Variants in BRINP3 observed in about 807,000 individuals in gnomAD.
The protein encoded by BRINP3 is BMP/retinoic acid-inducible neural-specific protein 3.
In BRINP3, 19 loss-of-function variants were observed where a neutral mutation model predicts 71.0. The ratio of observed to expected loss-of-function variants is 0.27; its 90% confidence interval spans 0.19 to 0.39. The LOEUF (loss-of-function observed/expected upper bound fraction) is 0.39. Ranked by LOEUF, BRINP3 falls within the 10% of genes least tolerant of loss-of-function variation. BRINP3 has a pLI of 1.00. For missense variants in BRINP3, 959 were observed against 940.8 expected (o/e 1.02, Z -0.25); for synonymous variants, 380 against 337.7 (o/e 1.13, Z -1.37).
intron 2 of BRINP3, among the ~76,000 whole-genome samples, chr1:190,409,001 A>G (rs1672485260): frequency 6.6e-6 from 1 of 152,222 alleles, no homozygotes; most frequent in South Asian, 2.1e-4. Context: ...TGCTAGTAGC[A>G]TCTGGCAGGT....
At chr1:190,338,356 T>C (rs903258185) in intron 2 of BRINP3, among the ~76,000 whole-genome samples, 4 of 152,034 alleles carry the variant, frequency 2.6e-5, no homozygotes, top group Non-Finnish European at 5.9e-5. Context: ...TTGAAAGAAA[T>C]GTAAATTTGT....
chr1:190,467,514 G>A (rs1254515261), intron 1 of BRINP3, among the ~76,000 whole-genome samples: 1 of 151,476 alleles, frequency 6.6e-6, no homozygotes. Context: ...ATTAAAGAAT[G>A]CCTCTTTAGA....
At chr1:190,265,454 C>T (rs1661569546) in intron 3 of BRINP3, among the ~76,000 whole-genome samples, 1 of 151,714 alleles carries the variant, frequency 6.6e-6, no homozygotes, top group Non-Finnish European at 1.5e-5. Flanking sequence ...GTAATCCCAG[C>T]ACTATGGAAG....
chr1:190,221,613 GT>G (rs1656900224), intron 6 of BRINP3, among the ~76,000 whole-genome samples: 1 of 152,020 alleles, frequency 6.6e-6, no homozygotes, highest in African/African-American at 2.4e-5. Context: ...CAATTATAAC[GT>G]GTATAGTGGC....
At chr1:190,418,367 A>C (rs1673141739) in intron 2 of BRINP3, among the ~76,000 whole-genome samples, 1 of 152,084 alleles carries the variant, frequency 6.6e-6, no homozygotes, top group African/African-American at 2.4e-5. Context: ...CTTTTTATGA[A>C]TTAAAATGTT....
chr1:190,384,381 T>C (rs1157871153), intron 2 of BRINP3, among the ~76,000 whole-genome samples: 1 of 151,858 alleles, frequency 6.6e-6, no homozygotes, highest in Non-Finnish European at 1.5e-5. Flanking sequence ...TTATTTTAAG[T>C]AATGAAAACT....
chr1:190,104,593 T>C (rs1291660039), intron 7 of BRINP3, among the ~76,000 whole-genome samples: 3 of 152,060 alleles, frequency 2.0e-5, no homozygotes, highest in Non-Finnish European at 4.4e-5. Context: ...GTGTTTCACC[T>C]TTTTAAAAAT....
chr1:190,224,303 T>C (rs1224880837), intron 6 of BRINP3, among the ~76,000 whole-genome samples: 1 of 151,714 alleles, frequency 6.6e-6, no homozygotes, highest in Admixed American at 6.6e-5. Context: ...CATAGACCAA[T>C]GGAATAGAAT....
intron 2 of BRINP3, among the ~76,000 whole-genome samples, chr1:190,338,783 T>A (rs1431273993): frequency 6.6e-6 from 1 of 151,890 alleles, no homozygotes; most frequent in Non-Finnish European, 1.5e-5. Context: ...TGTAAGATAA[T>A]GTAATTTTAG....
intron 1 of BRINP3, among the ~76,000 whole-genome samples, chr1:190,474,987 TA>T (rs1357565187): frequency 6.6e-6 from 1 of 151,508 alleles, no homozygotes; most frequent in Non-Finnish European, 1.5e-5. Flanking sequence ...GGGTATAATA[TA>T]AGCTAGACAG....
chr1:190,209,643 C>T (rs867128950), intron 6 of BRINP3, among the ~76,000 whole-genome samples: 1 of 152,060 alleles, frequency 6.6e-6, no homozygotes, highest in African/African-American at 2.4e-5. Flanking sequence ...AATATTTGCT[C>T]AGTACTTTAA....
chr1:190,465,613 C>T (rs957799269), intron 1 of BRINP3, among the ~76,000 whole-genome samples: 4 of 151,856 alleles, frequency 2.6e-5, no homozygotes, highest in African/African-American at 9.7e-5. Flanking sequence ...TCCCCTCTTA[C>T]CCCTAATGTT....
intron 7 of BRINP3, among the ~76,000 whole-genome samples, chr1:190,142,918 A>T (rs1290624650): frequency 1.3e-5 from 2 of 152,024 alleles, no homozygotes; most frequent in African/African-American, 2.4e-5. Context: ...TTATTGAAAA[A>T]ATTTCCTGAA....
Position 190,336,316 on chromosome 1 carries a change from A to T in BRINP3, c.237-54566T>A, listed in dbSNP as rs917995588. 2.0e-5 allele frequency among the ~76,000 whole-genome samples: 3 copies of T among 152,074 alleles called. No individual in the cohort carries two copies. The East Asian group carries it at 5.8e-4, about 29-fold the overall frequency. ...GATGTTGTGCAAAGTTTCCATATCT[A>T]CCTTCTTTGACAAATGAAATTAGAA... On this transcript the variant is annotated intron_variant, in intron 2 of 7. Coordinates refer to ENST00000367462, the MANE Select transcript of BRINP3 (RefSeq NM_199051.3).
chr1:190,299,410 T>C (rs951009271), intron 2 of BRINP3, among the ~76,000 whole-genome samples: 6 of 151,402 alleles, frequency 4.0e-5, no homozygotes, highest in African/African-American at 1.2e-4. Flanking sequence ...ATAGTTTTTT[T>C]TCCTAAAACA....
At chr1:190,293,635 T>A (rs1413192840) in intron 2 of BRINP3, among the ~76,000 whole-genome samples, 1 of 152,188 alleles carries the variant, frequency 6.6e-6, no homozygotes, top group Non-Finnish European at 1.5e-5. Flanking sequence ...TCCCCTATTA[T>A]CATTGCATTG....
intron 2 of BRINP3, among the ~76,000 whole-genome samples, chr1:190,329,621 A>AC (rs1553292937): frequency 6.6e-6 from 1 of 151,874 alleles, no homozygotes; most frequent in African/African-American, 2.4e-5. Flanking sequence ...TACCAATATT[A>AC]TTTTTTTCAC....
chr1:190,468,299 CTT>C (rs1435281402), intron 1 of BRINP3, among the ~76,000 whole-genome samples: 1 of 151,158 alleles, frequency 6.6e-6, no homozygotes, highest in Non-Finnish European at 1.5e-5. Flanking sequence ...TAATCAAACA[CTT>C]ATTATTGGAG....
At chr1:190,381,824 A>C (rs1670568586) in intron 2 of BRINP3, among the ~76,000 whole-genome samples, 1 of 152,140 alleles carries the variant, frequency 6.6e-6, no homozygotes, top group Non-Finnish European at 1.5e-5. Context: ...TTCCAAGACT[A>C]TTTTAATATT....
Sources: gnomAD v4.1 joint callset for allele counts (sites outside exome capture counted in the v4.1 genomes callset) on GRCh38, gnomAD v4.1.1 for gene constraint, MANE v1.5 for transcripts, NCBI Gene and HGNC (gene_info 2026-07-23, HGNC 2026-07-21) for gene names.